The following SVEP1 variants were observed in gnomAD, a reference collection of about 807,000 sequenced individuals.
The protein encoded by SVEP1 is sushi, von Willebrand factor type A, EGF and pentraxin domain containing 1, also known as sushi, von Willebrand factor type A, EGF and pentraxin domain-containing protein 1.
In SVEP1, 164 loss-of-function variants were observed where a neutral mutation model predicts 367.3. That is an observed-to-expected ratio of 0.45 (90% CI 0.39 to 0.51). The LOEUF (loss-of-function observed/expected upper bound fraction) is 0.51. Ranked by LOEUF, SVEP1 falls within the 20% of genes least tolerant of loss-of-function variation. SVEP1 has a pLI of 0.00. For synonymous variants in SVEP1, 1,666 were observed against 1,611.6 expected, an observed-to-expected ratio of 1.03 and a Z score of -0.81; for missense variants, 4,117 against 4,425.3, an observed-to-expected ratio of 0.93 and a Z score of 1.98.
At chr9:110,404,769 A>T (rs1433722355) in intron 38 of SVEP1, among the ~76,000 whole-genome samples, 2 of 152,228 alleles carry the variant, frequency 1.3e-5, no homozygotes, top group African/African-American at 4.8e-5. Flanking sequence ...TCATGCCTGT[A>T]ATCCCTGCAC....
At chr9:110,552,333 T>C (rs1320634771) in intron 1 of SVEP1, among the ~76,000 whole-genome samples, 1 of 152,002 alleles carries the variant, frequency 6.6e-6, no homozygotes. Context: ...CCCTGCCACA[T>C]GAGCCACCAC....
In SVEP1 at chr9:110,452,025, C is replaced by T. The variant is rs78035968; in HGVS notation, c.3788-623G>A. The stretch of plus-strand genomic sequence containing the variant: ...ATAAATCTTCATGTTCAAGAAAAGA[C>T]GTACAAAGACTCGTTGGGTTGAAGA... On this transcript the variant is annotated intron_variant, in intron 22 of 47. Transcript: ENST00000374469. Among the ~76,000 whole-genome samples the T allele has an allele frequency of 4.5e-3, 678 of 152,230 alleles. 2 individuals are homozygous for T. The highest frequency in any genetic ancestry group is 0.016 in the African/African-American group (645 of 41,540).
chr9:110,411,725 C>G lies in SVEP1; in HGVS notation c.5986G>C (p.Ala1996Pro). The change falls in exon 37 of 48, where the codon GCT (alanine) becomes CCT (proline). Residue 1996 changes from alanine to proline, a missense_variant. Physicochemically the swap from Ala to Pro is conservative, Grantham distance 27 (BLOSUM62 -1). Around this residue, in one of 4 missense-constraint regions of SVEP1, gnomAD observed 2,174 missense variants for 2,494.3 expected, o/e 0.87. Transcript: ENST00000374469. The stretch of plus-strand genomic sequence containing the variant: ...AGGCATTCAATGGTGTCAAGACCAG[C>G]AAGAGTATAGCTGTGAGGTTGGGAA... ...TYTCKEGYTL[A>P]GLDTIECLAD... is the part of the protein sequence containing the mutation. 6.3e-7 allele frequency: 1 copy of G among 1,576,792 alleles called. No homozygotes were observed. Among genetic ancestry groups the G allele is most frequent in the Non-Finnish European group, 8.6e-7 (1 of 1,161,348 alleles).
intron 23 of SVEP1, 91 bp from the exon 24 acceptor site, chr9:110,450,351 T>C: frequency 7.5e-7 from 1 of 1,332,392 alleles, no homozygotes; most frequent in Non-Finnish European, 1.0e-6. Flanking sequence ...GGATGCTGCT[T>C]CTAGAGGATT....
intron 9 of SVEP1, among the ~76,000 whole-genome samples, chr9:110,486,670 T>G (rs972221709): frequency 6.7e-6 from 1 of 149,158 alleles, no homozygotes; most frequent in Admixed American, 6.7e-5. Context: ...TTTTTTTAGA[T>G]GGAGTCTCTC....
intron 1 of SVEP1, among the ~76,000 whole-genome samples, chr9:110,558,075 G>C (rs1830376826): frequency 1.3e-5 from 2 of 152,026 alleles, no homozygotes; most frequent in South Asian, 4.1e-4. Flanking sequence ...TGTAAACCAA[G>C]ATAGATATAT....
chr9:110,377,845 T>G (rs1185688075), intron 44 of SVEP1, among the ~76,000 whole-genome samples: 2 of 152,184 alleles, frequency 1.3e-5, no homozygotes, highest in Admixed American at 1.3e-4. Flanking sequence ...ACTGAAACTT[T>G]GATACCTTGA....
At chr9:110,392,147 ATATATATC>A (rs1827666742) in intron 40 of SVEP1, among the ~76,000 whole-genome samples, 1 of 147,192 alleles carries the variant, frequency 6.8e-6, no homozygotes, top group African/African-American at 2.6e-5. Context: ...ATATATATAT[ATATATATC>A]TCTTCTCTCT....
chr9:110,486,170 C>T lies in SVEP1; in HGVS notation c.1931-2477G>A, dbSNP rs1829273847. On this transcript the variant is annotated intron_variant, in intron 9 of 47. Transcript: ENST00000374469. ...AGCAGGTCAGTGTACTTTGAGAATG[C>T]TGAATCAAGTCAATTCATAGCTAAA... is the stretch of plus-strand genomic sequence containing the variant. Among the ~76,000 whole-genome samples, 7 of 152,332 alleles carry T rather than the reference C, an allele frequency of 4.6e-5. No homozygotes were observed. The South Asian group carries it at 1.5e-3, about 32-fold the overall frequency.
chr9:110,467,634 T>C (rs1236616720), intron 17 of SVEP1, among the ~76,000 whole-genome samples: 2 of 140,352 alleles, frequency 1.4e-5, no homozygotes, highest in Admixed American at 7.1e-5. Flanking sequence ...CTGTCTTTTT[T>C]ACTTTTTTTT....
At chr9:110,441,698 A>G (rs1828512273) in intron 27 of SVEP1, among the ~76,000 whole-genome samples, 1 of 152,156 alleles carries the variant, frequency 6.6e-6, no homozygotes, top group African/African-American at 2.4e-5. Flanking sequence ...AAGCATAATA[A>G]ATGCTTCTTA....
At chr9:110,375,254 C>A (rs1827332144) in intron 46 of SVEP1, 114 bp downstream of exon 46, 5 of 897,976 alleles carry the variant, frequency 5.6e-6, no homozygotes, top group Non-Finnish European at 5.0e-6. Context: ...TTTTGAGAAA[C>A]ATCAGTACTT....
At chr9:110,572,470 T>A (rs1206307940) in intron 1 of SVEP1, among the ~76,000 whole-genome samples, 1 of 152,234 alleles carries the variant, frequency 6.6e-6, no homozygotes, top group Non-Finnish European at 1.5e-5. Flanking sequence ...GTGTCCTATA[T>A]GCAGGAAATA....
chr9:110,520,060 C>T (rs530667152), intron 3 of SVEP1, among the ~76,000 whole-genome samples: 161 of 152,040 alleles, frequency 1.1e-3, no homozygotes, highest in Non-Finnish European at 1.9e-3. Context: ...ATGAAAAGGA[C>T]CTAATCTTAT....
intron 27 of SVEP1, among the ~76,000 whole-genome samples, chr9:110,441,624 G>T (rs1828511290): frequency 6.6e-6 from 1 of 152,080 alleles, no homozygotes; most frequent in Non-Finnish European, 1.5e-5. Flanking sequence ...CAGTGATTCT[G>T]GGGTTTAAGG....
At chr9:110,553,805 G>C (rs918270872) in intron 1 of SVEP1, among the ~76,000 whole-genome samples, 1 of 152,130 alleles carries the variant, frequency 6.6e-6, no homozygotes, top group Non-Finnish European at 1.5e-5. Flanking sequence ...TGTCACTAAG[G>C]AGTGGCCCAT....
intron 27 of SVEP1, among the ~76,000 whole-genome samples, chr9:110,440,516 T>C (rs1453197837): frequency 2.0e-5 from 3 of 152,236 alleles, no homozygotes; most frequent in Admixed American, 2.0e-4. Flanking sequence ...TAAGAGATGA[T>C]AATTCTAAGG....
intron 44 of SVEP1, among the ~76,000 whole-genome samples, chr9:110,377,813 C>T (rs748889413): frequency 9.7e-4 from 147 of 152,098 alleles, no homozygotes; most frequent in Non-Finnish European, 1.8e-3. Context: ...ATTAGAACTC[C>T]AGAACTTATT....
intron 3 of SVEP1, among the ~76,000 whole-genome samples, chr9:110,528,156 G>GTGTGTGTGTGTGTGTATATA: frequency 1.5e-4 from 5 of 33,938 alleles, no homozygotes; most frequent in South Asian, 1.9e-3. Flanking sequence ...GTGTGTGTGT[G>GTGTGTGTGTGTGTGTATATA]TATATATATA....
Sources: gnomAD v4.1 joint callset for allele counts (sites outside exome capture counted in the v4.1 genomes callset) on GRCh38, gnomAD v4.1.1 for gene constraint, gnomAD v4.1.1 regional missense constraint, MANE v1.5 for transcripts, NCBI Gene and HGNC (gene_info 2026-07-23, HGNC 2026-07-21) for gene names.